Variants in TPM3 observed in about 807,000 individuals in gnomAD.
TPM3 encodes the protein tropomyosin alpha-3 chain.
TPM3 carries 16 observed loss-of-function variants against 43.1 expected under a neutral mutation model. The observed-to-expected ratio is 0.37, with a 90% CI of 0.25 to 0.56. The LOEUF is 0.56. TPM3 is among the 20% of genes least tolerant of loss of function. TPM3 has a pLI of 0.77. For synonymous variants in TPM3, 101 were observed against 116.9 expected (o/e 0.86, Z 0.88); for missense variants, 176 against 337.2 (o/e 0.52, Z 3.74).
chr1:154,157,838 C>CTGTT (rs1450092126), downstream of TPM3: 4 of 746,074 alleles, frequency 5.4e-6, no homozygotes, highest in Admixed American at 3.7e-5. Flanking sequence ...CAGCTGCCTT[C>CTGTT]TCAGCCACAG....
chr1:154,168,964 A>G (rs1303086746), intron 9 of TPM3, among the ~76,000 whole-genome samples: 2 of 150,932 alleles, frequency 1.3e-5, no homozygotes, highest in Non-Finnish European at 2.9e-5. Context: ...CCTCCTGAGT[A>G]GCTAGGATTA....
At position 154,181,451 on chromosome 1, in the gene TPM3, A is replaced by G. The variant is rs1662937068; in HGVS notation, c.244-5203T>C. 2.6e-5 allele frequency among the ~76,000 whole-genome samples: 4 copies of G among 152,222 alleles called. No homozygotes were observed. The South Asian group carries it at 8.3e-4, about 31-fold the overall frequency. ...AGAACAAAGAATAAACCACATGAGTACTTTCACTGGATCTTGAATTTTAGC... is the reference window on the plus strand; with the variant it reads ...AGAACAAAGAATAAACCACATGAGTGCTTTCACTGGATCTTGAATTTTAGC... On this transcript the variant is annotated intron_variant, in intron 2 of 9. Coordinates refer to ENST00000651641, the MANE Select transcript of TPM3 (RefSeq NM_152263.4).
intron 8 of TPM3, chr1:154,169,659 C>G (rs1054094309): frequency 7.3e-6 from 4 of 546,310 alleles, no homozygotes; most frequent in Non-Finnish European, 1.3e-5. Flanking sequence ...CAAAAGCACT[C>G]AAGAGGATAC....
chr1:154,169,292 G>T lies in TPM3; in HGVS notation c.854+13C>A. ...GCCAAGATCCCAGCCCCACTCTACT[G>T]TCAGATAGTTACATAGAGGTCATGT... On this transcript the variant is annotated intron_variant, in intron 9 of 9. Coordinates refer to ENST00000651641, the MANE Select transcript of TPM3 (RefSeq NM_152263.4). 1 of 1,613,880 alleles carries T rather than the reference G, an allele frequency of 6.2e-7. No individual in the cohort carries two copies. The highest frequency in any genetic ancestry group is 8.5e-7 in the Non-Finnish European group (1 of 1,179,752).
downstream of TPM3, chr1:154,158,584 C>T: frequency 1.1e-5 from 4 of 358,344 alleles, no homozygotes; most frequent in Non-Finnish European, 2.1e-5. Context: ...ATTCCTGGGC[C>T]TGCCGATGAA....
At chr1:154,182,834 T>A (rs574032822) in intron 2 of TPM3, among the ~76,000 whole-genome samples, 61 of 152,232 alleles carry the variant, frequency 4.0e-4, no homozygotes, top group African/African-American at 1.4e-3. Flanking sequence ...GGTGTCCTAC[T>A]GGTGCTGAGC....
chr1:154,171,419 C>T lies in TPM3; in HGVS notation c.636G>A (p.Ala212=), dbSNP rs779661767. ...TTCACAAACCAGCCCCTACCTTCTC[C>T]GCCTGAGCCTCAAGAGACTTGAGGT... ...TNNLKSLEAQ[A]EKYSQKEDKY... The change falls in exon 6 of 10, where the codon GCG becomes GCA. Residue 212 remains alanine (A), a synonymous_variant. Transcript: ENST00000651641. The T allele has an allele frequency of 9.3e-6, 15 of 1,614,054 alleles. No homozygotes were observed. The highest frequency in any genetic ancestry group is 2.2e-5 in the East Asian group (1 of 44,892).
chr1:154,157,392 T>G, downstream of TPM3: 1 of 593,690 alleles, frequency 1.7e-6, no homozygotes, highest in South Asian at 1.9e-5. Flanking sequence ...AAAGACATTA[T>G]GCATTGTGCT....
intron 2 of TPM3, among the ~76,000 whole-genome samples, chr1:154,189,427 G>A (rs1438775670): frequency 6.6e-6 from 1 of 152,110 alleles, no homozygotes; most frequent in Non-Finnish European, 1.5e-5. Context: ...GGCACAGCTT[G>A]CAGTGAGCCT....
intron 3 of TPM3, among the ~76,000 whole-genome samples, chr1:154,173,795 G>C (rs1392476923): frequency 6.6e-6 from 1 of 152,026 alleles, no homozygotes; most frequent in African/African-American, 2.4e-5. Context: ...TTCGAGACCA[G>C]CTGGCAAACA....
intron 5 of TPM3, chr1:154,172,168 G>A (rs779419484): frequency 6.5e-7 from 1 of 1,529,264 alleles, no homozygotes; most frequent in Non-Finnish European, 9.1e-7. Context: ...GGTCAAAAAG[G>A]AACACAGCAA....
At position 154,191,198 on chromosome 1, in the gene TPM3, C is replaced by T. The variant is rs761461964; in HGVS notation, c.231G>A (p.Lys77=). The T allele has an allele frequency of 1.9e-6, 3 of 1,614,102 alleles. No homozygotes were observed. In the African/African-American group the frequency reaches 4.0e-5, roughly 22 times the overall value. ...CTCTAATACTCACATCAGCAGCCTT[C>T]TTCTCTGCCAGTTCCAGCTTCTCCT... ...DAQEKLELAE[K]KAADAEAEVA... Residue 77 remains lysine (K), a synonymous_variant, in exon 2 of 10, where the codon AAG becomes AAA. Transcript: ENST00000651641.
At chr1:154,191,345 C>G (rs1450690844) in intron 1 of TPM3, 34 bp from the exon 2 acceptor site, 1 of 1,613,242 alleles carries the variant, frequency 6.2e-7, no homozygotes, top group Admixed American at 1.7e-5. Flanking sequence ...CACAAAAACA[C>G]ACAAACACAA....
intron 5 of TPM3, chr1:154,172,327 C>G (rs1263259709): frequency 2.8e-6 from 2 of 702,290 alleles, no homozygotes; most frequent in Admixed American, 2.0e-5. Flanking sequence ...AATCAAGGCC[C>G]AGAAGGTACC....
chr1:154,183,318 AGGGAGT>A, intron 2 of TPM3: 1 of 1,475,622 alleles, frequency 6.8e-7, no homozygotes, highest in African/African-American at 1.4e-5. Context: ...GAGCCGCGGC[AGGGAGT>A]GGATCCTCCC....
chr1:154,180,069 T>A (rs2148272367), intron 2 of TPM3, among the ~76,000 whole-genome samples: 1 of 152,152 alleles, frequency 6.6e-6, no homozygotes, highest in South Asian at 2.1e-4. Context: ...TTGCCATCTG[T>A]TTCCATTTAG....
At chr1:154,183,172 G>C (rs185729761) in intron 2 of TPM3, 212 of 1,596,420 alleles carry the variant, frequency 1.3e-4, no homozygotes, top group Admixed American at 6.7e-4. Flanking sequence ...TCCGCTCGGC[G>C]TTGCAGCCTC....
chr1:154,169,563 T>C (rs1463672271), intron 8 of TPM3, 180 bp from the exon 9 acceptor site: 2 of 643,164 alleles, frequency 3.1e-6, no homozygotes, highest in Non-Finnish European at 5.5e-6. Flanking sequence ...CTCTCTCCTA[T>C]GACCAACTTC....
intron 9 of TPM3, 84 bp downstream of exon 9, chr1:154,169,221 C>A: frequency 7.4e-7 from 1 of 1,352,166 alleles, no homozygotes; most frequent in Non-Finnish European, 1.1e-6. Context: ...AAGGATAAAA[C>A]CAAAGCACAC....
Sources: allele counts gnomAD v4.1 joint callset (sites outside exome capture counted in the v4.1 genomes callset), GRCh38; gene constraint gnomAD v4.1.1; transcripts MANE v1.5; gene names NCBI Gene and HGNC (gene_info 2026-07-23, HGNC 2026-07-21).